Variants in GREB1 observed in about 807,000 individuals in gnomAD.
GREB1 encodes the protein growth regulating estrogen receptor binding 1.
A neutral mutation model predicts 200.7 loss-of-function variants in GREB1; 106 were observed. The observed-to-expected ratio is 0.53, with a 90% CI of 0.45 to 0.62. The LOEUF is 0.62. GREB1 is among the 20% of genes least tolerant of loss of function. GREB1 has a pLI of 0.00. For synonymous variants in GREB1, 1,132 were observed against 1,092.4 expected, an observed-to-expected ratio of 1.04 and a Z score of -0.72; for missense variants, 2,243 against 2,556.8, an observed-to-expected ratio of 0.88 and a Z score of 2.65.
At chr2:11,586,033 T>C (rs1680049493) in intron 9 of GREB1, 128 bp downstream of exon 9, 2 of 926,102 alleles carry the variant, frequency 2.2e-6, no homozygotes, top group South Asian at 1.6e-5. Flanking sequence ...CCTAAAATGC[T>C]TTCCAGGGCA....
chr2:11,640,688 T>G lies in GREB1; in HGVS notation c.*234T>G, dbSNP rs898180069. 1.3e-5 allele frequency: 7 copies of G among 520,698 alleles called. No individual in the cohort carries two copies. The highest frequency in any genetic ancestry group is 2.3e-5 in the Non-Finnish European group (7 of 298,280). 32.3% of individuals were successfully genotyped at this position (520,698 alleles called of 1,614,324 possible). A position where few individuals can be genotyped will look rare whatever the true frequency, so the allele number is the denominator to read the frequency against. Reference sequence around the variant, plus strand: ...ACTCCCAAGTTCTGGGCCAGCCCATTGCTCTGGGCTGTTTTAAAGCCCATT... The same window carrying G: ...ACTCCCAAGTTCTGGGCCAGCCCATGGCTCTGGGCTGTTTTAAAGCCCATT... On this transcript the variant is annotated 3_prime_UTR_variant, in exon 33 of 33. Transcript: ENST00000381486. The surrounding 1 kb of genome is among the most constrained non-coding windows in gnomAD (Gnocchi z 4.6).
chr2:11,545,496 A>G (rs1675188050), intron 1 of GREB1, among the ~76,000 whole-genome samples: 1 of 152,206 alleles, frequency 6.6e-6, no homozygotes, highest in Admixed American at 6.5e-5. Flanking sequence ...ACCCAAGGCA[A>G]TCCTTTTCCT....
At chr2:11,542,464 G>A (rs1387982907) in intron 1 of GREB1, among the ~76,000 whole-genome samples, 1 of 152,132 alleles carries the variant, frequency 6.6e-6, no homozygotes, top group Non-Finnish European at 1.5e-5. Context: ...AAACTGTTCT[G>A]GGCTCTGAGA....
chr2:11,495,591 C>T (rs1463562677), intron 1 of GREB1, among the ~76,000 whole-genome samples: 5 of 151,912 alleles, frequency 3.3e-5, no homozygotes, highest in Non-Finnish European at 7.4e-5. Context: ...CTCATGACAA[C>T]CTTACGAGGT....
upstream of GREB1, among the ~76,000 whole-genome samples, chr2:11,531,733 G>C (rs889559163): frequency 1.3e-5 from 2 of 152,102 alleles, no homozygotes; most frequent in Non-Finnish European, 2.9e-5. Context: ...ACCATGACCA[G>C]CTAATTTTTG....
rs1265167681 is a variant in GREB1 at position 11,538,790 on chromosome 2, T to TC, written c.-162+4538dup. Among the ~76,000 whole-genome samples the TC allele has an allele frequency of 7.6e-4, 21 of 27,734 alleles. 3 individuals carry two copies. The highest frequency in any genetic ancestry group is 1.1e-3 in the African/African-American group (16 of 14,840). The allele number at this position is 27,734 out of a possible 152,430, so 18.2% of individuals were successfully genotyped here. ...TTCCTTCCTTCCCGTCTTCCTTCCT[T>TC]CCTTCCCTTCTTTACTTCCTTCCTT... is the stretch of plus-strand genomic sequence containing the variant. On this transcript the variant is annotated intron_variant, in intron 1 of 32. Coordinates refer to ENST00000381486, the MANE Select transcript of GREB1 (RefSeq NM_014668.4).
intron 1 of GREB1, among the ~76,000 whole-genome samples, chr2:11,501,905 G>GTTTTTTT (rs1204074491): frequency 3.2e-5 from 2 of 61,600 alleles, no homozygotes; most frequent in African/African-American, 1.5e-4. Context: ...GTTTTTTTTT[G>GTTTTTTT]TTTTTTTTTT....
chr2:11,578,731 A>G (rs957072556), intron 6 of GREB1, among the ~76,000 whole-genome samples: 3 of 152,070 alleles, frequency 2.0e-5, no homozygotes, highest in Non-Finnish European at 4.4e-5. Context: ...AGAGCTCTCT[A>G]TGTAAAGATG....
At position 11,544,040 on chromosome 2, in the gene GREB1, A is replaced by G. The variant is rs141667613; in HGVS notation, c.-162+9786A>G. 5.2e-3 allele frequency among the ~76,000 whole-genome samples: 796 copies of G among 152,244 alleles called. 3 individuals are homozygous for G. The highest frequency in any genetic ancestry group is 0.031 in the Middle Eastern group (9 of 294). On this transcript the variant is annotated intron_variant, in intron 1 of 32. Coordinates refer to ENST00000381486, the MANE Select transcript of GREB1 (RefSeq NM_014668.4). ...TATCTTAGGAAGTGAGTTCCAGCCC[A>G]TTCTGGGACTCAGCGCTGTTGTTGA...
intron 4 of GREB1, among the ~76,000 whole-genome samples, chr2:11,569,083 C>A (rs1677998984): frequency 6.6e-6 from 1 of 152,116 alleles, no homozygotes; most frequent in Admixed American, 6.5e-5. Context: ...TTAATCAACT[C>A]AGGTATTTTA....
intron 4 of GREB1, among the ~76,000 whole-genome samples, chr2:11,571,038 GAT>G (rs150027099): frequency 1.3e-5 from 2 of 150,456 alleles, no homozygotes; most frequent in Admixed American, 6.6e-5. Flanking sequence ...AGGGGCTCTG[GAT>G]ATATATATAT....
At chr2:11,635,875 A>G (rs1457856925) in intron 30 of GREB1, among the ~76,000 whole-genome samples, 7 of 152,218 alleles carry the variant, frequency 4.6e-5, no homozygotes, top group African/African-American at 1.7e-4. Flanking sequence ...ACGTAAAATC[A>G]CAGCAAGTCT....
chr2:11,515,128 A>C, intron 1 of GREB1, among the ~76,000 whole-genome samples: 2 of 143,168 alleles, frequency 1.4e-5, no homozygotes, highest in African/African-American at 5.5e-5. Flanking sequence ...CCATCCATCC[A>C]TCCATCCACC....
At chr2:11,561,316 GT>G (rs1677003580) in intron 2 of GREB1, 1 of 150,884 alleles carries the variant, frequency 6.6e-6, no homozygotes, top group African/African-American at 2.4e-5. Context: ...ATGTGTGTGT[GT>G]TTGTGTGTCT....
At chr2:11,613,602 A>G (rs1039338328) in intron 19 of GREB1, among the ~76,000 whole-genome samples, 1 of 152,186 alleles carries the variant, frequency 6.6e-6, no homozygotes, top group African/African-American at 2.4e-5. Flanking sequence ...CTCATGGGCC[A>G]GGGGAAGGGG....
chr2:11,514,431 A>G lies in GREB1; in HGVS notation c.-159+32050A>G, dbSNP rs543097894. On this transcript the variant is annotated intron_variant, in intron 1 of 2. Transcript: ENST00000628795. ...CCCTTTTCACTACACCCCTTTGCCA[A>G]CATCCACTACCATGCCACACCATGT... 2.6e-5 allele frequency among the ~76,000 whole-genome samples: 4 copies of G among 152,334 alleles called. No individual in the cohort carries two copies. The East Asian group carries it at 7.7e-4, about 29-fold the overall frequency.
intron 27 of GREB1, 58 bp from the exon 28 acceptor site, chr2:11,632,831 G>A: frequency 2.7e-6 from 4 of 1,502,024 alleles, no homozygotes; most frequent in South Asian, 1.2e-5. Flanking sequence ...CCTGGGGTCT[G>A]TCTGCTGTGG....
In GREB1 at chr2:11,566,527, G is replaced by A. The variant is rs774587906; in HGVS notation, c.325G>A (p.Glu109Lys). ...CCTGCGCCTTGTCTCCATTTCCAACGAGCCCATGGATGTCCCTGCGGGCTT... is the reference window on the plus strand; with the variant it reads ...CCTGCGCCTTGTCTCCATTTCCAACAAGCCCATGGATGTCCCTGCGGGCTT... ...KDLRLVSISN[E>K]PMDVPAGFLL... The change falls in exon 4 of 33, where the codon GAG (glutamate) becomes AAG (lysine). Residue 109 changes from glutamate to lysine, a missense_variant. Coordinates refer to ENST00000381486, the MANE Select transcript of GREB1 (RefSeq NM_014668.4). 4.6e-5 allele frequency: 74 copies of A among 1,613,680 alleles called. 1 individual carries two copies. The highest frequency in any genetic ancestry group is 1.7e-4 in the Middle Eastern group (1 of 6,030).
Position 11,632,969 on chromosome 2 carries a change from A to C in GREB1, c.4897A>C (p.Lys1633Gln). The C allele has an allele frequency of 6.2e-7, 1 of 1,614,200 alleles. No individual in the cohort carries two copies. Among genetic ancestry groups the C allele is most frequent in the South Asian group, 1.1e-5 (1 of 91,090 alleles). The change falls in exon 28 of 33, where the codon AAG (lysine) becomes CAG (glutamine). Residue 1633 changes from lysine (K) to glutamine (Q), a missense_variant. Physicochemically the swap from Lys to Gln is moderately conservative, Grantham distance 53 (BLOSUM62 1). Transcript: ENST00000381486. ...GAACCGGCAGGAGGAGCTGGGAATC[A>C]AGCCGCAGGACATCTGGCCTTTCAT... ...ERNRQEELGIKPQDIWPFIVI... is the reference protein window; with the variant it reads ...ERNRQEELGIQPQDIWPFIVI...
Sources: gnomAD v4.1 joint callset for allele counts (sites outside exome capture counted in the v4.1 genomes callset) on GRCh38, gnomAD v4.1.1 for gene constraint, Gnocchi (gnomAD v3.1) non-coding constraint, MANE v1.5 for transcripts, NCBI Gene and HGNC (gene_info 2026-07-23, HGNC 2026-07-21) for gene names.